The following DENND1A variants were observed in gnomAD, a reference collection of about 807,000 sequenced individuals.
DENND1A encodes the protein DENN domain-containing protein 1A.
In DENND1A, 51 loss-of-function variants were observed where a neutral mutation model predicts 113.7. That is an observed-to-expected ratio of 0.45 (90% CI 0.36 to 0.57). DENND1A has a LOEUF of 0.57. Among genes scored for constraint, DENND1A ranks in the 20% least tolerant of loss-of-function variants. DENND1A has a pLI of 0.00. For missense variants in DENND1A, 1,258 were observed against 1,395.9 expected, an observed-to-expected ratio of 0.90 and a Z score of 1.57; for synonymous variants, 565 against 570.8, an observed-to-expected ratio of 0.99 and a Z score of 0.14.
intron 2 of DENND1A, among the ~76,000 whole-genome samples, chr9:123,818,559 C>CATATAT (rs1444727442): frequency 8.1e-6 from 1 of 123,536 alleles, no homozygotes; most frequent in African/African-American, 2.8e-5. Flanking sequence ...CACACACACA[C>CATATAT]ACACACACAT....
chr9:123,632,085 T>A (rs1230411886), intron 9 of DENND1A, among the ~76,000 whole-genome samples: 3 of 152,178 alleles, frequency 2.0e-5, no homozygotes, highest in Non-Finnish European at 4.4e-5. Flanking sequence ...AAGGCCCAGT[T>A]AAAAGAATCC....
intron 19 of DENND1A, among the ~76,000 whole-genome samples, chr9:123,430,998 G>A (rs1241099500): frequency 6.6e-6 from 1 of 152,134 alleles, no homozygotes; most frequent in Non-Finnish European, 1.5e-5. Flanking sequence ...GTGAGGCCCT[G>A]TCTCAAGCAA....
At chr9:123,906,968 T>C (rs1198551861) in intron 1 of DENND1A, among the ~76,000 whole-genome samples, 1 of 145,304 alleles carries the variant, frequency 6.9e-6, no homozygotes, top group African/African-American at 2.5e-5. Context: ...AATAAAATAC[T>C]GGCAAAACGA....
intron 13 of DENND1A, among the ~76,000 whole-genome samples, chr9:123,465,947 T>A (rs941774561): frequency 2.6e-5 from 4 of 152,228 alleles, no homozygotes; most frequent in African/African-American, 9.6e-5. Context: ...TTTGTTCTCA[T>A]CAGACAGTGG....
chr9:123,902,446 G>T (rs918010348), intron 1 of DENND1A, among the ~76,000 whole-genome samples: 1 of 152,160 alleles, frequency 6.6e-6, no homozygotes, highest in Non-Finnish European at 1.5e-5. Context: ...TAGGAACAAT[G>T]AACATAAACC....
At chr9:123,831,920 T>A (rs2132790118) in intron 2 of DENND1A, among the ~76,000 whole-genome samples, 1 of 152,092 alleles carries the variant, frequency 6.6e-6, no homozygotes, top group East Asian at 1.9e-4. Context: ...GAGGCGGAGG[T>A]TGCAGTGAGC....
intron 13 of DENND1A, among the ~76,000 whole-genome samples, chr9:123,531,006 G>A (rs937098878): frequency 2.0e-5 from 3 of 152,144 alleles, no homozygotes; most frequent in Non-Finnish European, 2.9e-5. Flanking sequence ...CTGCAGATAA[G>A]TGGAGACTAC....
At chr9:123,904,317 TC>T (rs1852341397) in intron 1 of DENND1A, among the ~76,000 whole-genome samples, 2 of 151,672 alleles carry the variant, frequency 1.3e-5, no homozygotes, top group African/African-American at 4.9e-5. Context: ...GCGTCTCTCC[TC>T]CTCCAAAGGA....
At chr9:123,741,242 A>C (rs1026734439) in intron 5 of DENND1A, among the ~76,000 whole-genome samples, 2 of 152,200 alleles carry the variant, frequency 1.3e-5, no homozygotes, top group Non-Finnish European at 2.9e-5. Context: ...AAACAATTTC[A>C]ACGGCATACC....
intron 13 of DENND1A, among the ~76,000 whole-genome samples, chr9:123,517,114 G>A (rs556599924): frequency 1.7e-4 from 25 of 151,486 alleles, no homozygotes; most frequent in African/African-American, 5.6e-4. Context: ...TTAGCCAGGC[G>A]TGGTGGCGGG....
chr9:123,679,798 T>C (rs1478877478), intron 5 of DENND1A, among the ~76,000 whole-genome samples: 1 of 152,218 alleles, frequency 6.6e-6, no homozygotes, highest in Non-Finnish European at 1.5e-5. Flanking sequence ...TCTGTCATCA[T>C]TGAATAAACA....
chr9:123,552,543 C>A (rs1291681732), intron 13 of DENND1A, among the ~76,000 whole-genome samples: 3 of 152,262 alleles, frequency 2.0e-5, no homozygotes, highest in Non-Finnish European at 4.4e-5. Flanking sequence ...CCACCTCCCC[C>A]ACCTGTATGG....
At chr9:123,667,102 A>G in intron 7 of DENND1A, 23 bp from the exon 8 acceptor site, 3 of 1,588,036 alleles carry the variant, frequency 1.9e-6, no homozygotes, top group Non-Finnish European at 2.6e-6. Flanking sequence ...AGCAAAAGTG[A>G]TTTATTTCTG....
intron 5 of DENND1A, among the ~76,000 whole-genome samples, chr9:123,678,131 T>C (rs1398644509): frequency 6.6e-6 from 1 of 152,196 alleles, no homozygotes; most frequent in Non-Finnish European, 1.5e-5. Context: ...TCTCAGAACA[T>C]TCCCCACATG....
intron 11 of DENND1A, among the ~76,000 whole-genome samples, chr9:123,593,103 C>T (rs78676690): frequency 0.058 from 8,761 of 152,282 alleles, 334 homozygotes; most frequent in Middle Eastern, 0.12. Flanking sequence ...TCTCAGTCTG[C>T]ACTGCCTCCC....
chr9:123,910,127 C>T (rs575426745), intron 1 of DENND1A, among the ~76,000 whole-genome samples: 1 of 152,192 alleles, frequency 6.6e-6, no homozygotes, highest in South Asian at 2.1e-4. Context: ...GCAATTCCAT[C>T]AAAATTGTGG....
At chr9:123,420,470 G>A (rs147624344) in intron 19 of DENND1A, among the ~76,000 whole-genome samples, 17 of 152,274 alleles carry the variant, frequency 1.1e-4, no homozygotes, top group South Asian at 2.1e-4. Context: ...AAGAAAAGCC[G>A]CAGCACCTGC....
At chr9:123,782,038 T>C (rs1831395874) in intron 3 of DENND1A, among the ~76,000 whole-genome samples, 2 of 151,976 alleles carry the variant, frequency 1.3e-5, no homozygotes, top group Admixed American at 1.3e-4. Flanking sequence ...CCACTGTACA[T>C]TAGCCTGGGT....
chr9:123,696,033 C>T (rs769629702), intron 5 of DENND1A, among the ~76,000 whole-genome samples: 3 of 150,336 alleles, frequency 2.0e-5, no homozygotes, highest in South Asian at 2.1e-4. Context: ...TGTCTGGGTC[C>T]GGAGTATAAA....
Sources: gnomAD v4.1 joint callset for allele counts (sites outside exome capture counted in the v4.1 genomes callset) on GRCh38, gnomAD v4.1.1 for gene constraint, MANE v1.5 for transcripts, NCBI Gene and HGNC (gene_info 2026-07-23, HGNC 2026-07-21) for gene names.